Variants in AKIP1 observed in about 807,000 individuals in gnomAD.
The protein encoded by AKIP1 is A-kinase interacting protein 1.
AKIP1 carries 18 observed loss-of-function variants against 22.3 expected under a neutral mutation model. That is an observed-to-expected ratio of 0.81 (90% CI 0.56 to 1.19). The LOEUF (loss-of-function observed/expected upper bound fraction) is 1.19. Ranked by LOEUF, AKIP1 falls within the 50% of genes most tolerant of loss-of-function variation. AKIP1 has a pLI of 0.00. For synonymous variants in AKIP1, 120 were observed against 102.7 expected (o/e 1.17, Z -1.02); for missense variants, 287 against 264.6 (o/e 1.08, Z -0.59).
At chr11:8,917,692 A>C (rs1051664701) in intron 5 of AKIP1, 1 of 431,476 alleles carries the variant, frequency 2.3e-6, no homozygotes, top group African/African-American at 2.0e-5. Flanking sequence ...CATCTGTTCA[A>C]GCAGCAGGAG....
chr11:8,918,802 T>C (rs2134821102), intron 5 of AKIP1, among the ~76,000 whole-genome samples: 1 of 152,352 alleles, frequency 6.6e-6, no homozygotes, highest in Non-Finnish European at 1.5e-5. Flanking sequence ...GAGAGTTTTG[T>C]CAGCCAGCTG....
At chr11:8,913,339 C>T (rs548769319) in intron 3 of AKIP1, among the ~76,000 whole-genome samples, 1 of 152,012 alleles carries the variant, frequency 6.6e-6, no homozygotes, top group African/African-American at 2.4e-5. Context: ...AGGCACATGC[C>T]ACCATGCCTG....
Position 8,911,797 on chromosome 11 carries a change from A to C in AKIP1, c.222+126A>C, listed in dbSNP as rs2064360775. The C allele has an allele frequency of 3.1e-6, 3 of 958,424 alleles. No homozygotes were observed. The East Asian group carries it at 8.1e-5, about 26-fold the overall frequency. 59.4% of individuals were successfully genotyped at this position (958,424 alleles called of 1,614,324 possible). ...CTTAGCGGAAGCTGGAAAGGATCAGAACAATGAATGGAAAAGTCCTTTCAA... is the reference window on the plus strand; with the variant it reads ...CTTAGCGGAAGCTGGAAAGGATCAGCACAATGAATGGAAAAGTCCTTTCAA... On this transcript the variant is annotated intron_variant, in intron 2 of 5. Coordinates refer to ENST00000309377, the MANE Select transcript of AKIP1 (RefSeq NM_020642.4).
chr11:8,918,461 A>G (rs2064521245), intron 5 of AKIP1, among the ~76,000 whole-genome samples: 1 of 152,178 alleles, frequency 6.6e-6, no homozygotes, highest in African/African-American at 2.4e-5. Flanking sequence ...TCTGAGTGCA[A>G]TTTGCTGGCC....
In AKIP1 at chr11:8,911,476, G is replaced by T. The variant is rs748915072; in HGVS notation, c.27G>T (p.Ala9=). Residue 9 remains alanine, a synonymous_variant, in exon 2 of 6, where the codon GCG becomes GCT. Transcript: ENST00000309377. MDNCLAAA[A]LNGVDRRSLQ... is the part of the protein sequence containing the mutation. ...TGGACAACTGTTTGGCGGCCGCAGC[G>T]CTGAATGGGGTGGACCGACGTTCCC... The T allele has an allele frequency of 6.2e-7, 1 of 1,603,764 alleles. No individual in the cohort carries two copies. Among genetic ancestry groups the T allele is most frequent in the South Asian group, 1.1e-5 (1 of 88,742 alleles).
chr11:8,919,767 G>C lies in AKIP1; in HGVS notation c.*287G>C, dbSNP rs926048822. ...TTCTCCTGCCTCAGCCTCCCGAGTA[G>C]CTGGCACTACAGGCACCCGCCACCA... is the stretch of plus-strand genomic sequence containing the variant. On this transcript the variant is annotated 3_prime_UTR_variant, in exon 6 of 6. Coordinates refer to ENST00000309377, the MANE Select transcript of AKIP1 (RefSeq NM_020642.4). 5 of 249,768 alleles carry C rather than the reference G, an allele frequency of 2.0e-5. No homozygotes were observed. The highest frequency in any genetic ancestry group is 1.0e-4 in the Admixed American group (2 of 19,776). 15.5% of individuals were successfully genotyped at this position (249,768 alleles called of 1,614,324 possible).
intron 5 of AKIP1, among the ~76,000 whole-genome samples, chr11:8,919,098 G>A (rs1336468079): frequency 1.3e-5 from 2 of 152,172 alleles, no homozygotes; most frequent in African/African-American, 2.4e-5. Flanking sequence ...CATTTACAGA[G>A]TGTTTTCACA....
In AKIP1 at chr11:8,919,350, C is replaced by G. The variant is rs756345711; in HGVS notation, c.503C>G (p.Ser168Cys). 35 of 1,613,478 alleles carry G rather than the reference C, an allele frequency of 2.2e-5. No individual in the cohort carries two copies. The highest frequency in any genetic ancestry group is 2.9e-5 in the Non-Finnish European group (34 of 1,179,854). The change falls in exon 6 of 6, where the codon TCT (serine) becomes TGT (cysteine). Residue 168 changes from serine (S) to cysteine (C), a missense_variant. Ser to Cys is a moderately radical substitution (Grantham distance 112). Transcript: ENST00000309377. ...TTTTCCTTCTAGGCTGAGAACATCT[C>G]TAAGGACCTCTACATAGAAGTATAT... ...PEASQPAENI[S>C]KDLYIEVYPG...
At chr11:8,913,980 T>C (rs1318792347) in intron 3 of AKIP1, among the ~76,000 whole-genome samples, 1 of 152,220 alleles carries the variant, frequency 6.6e-6, no homozygotes. Context: ...AGTTCAAGTC[T>C]CTGTTATGAA....
rs746034338 is a variant in AKIP1 at position 8,914,940 on chromosome 11, C to T, written c.408+10C>T. On this transcript the variant is annotated intron_variant, in intron 4 of 5. Coordinates refer to ENST00000309377, the MANE Select transcript of AKIP1 (RefSeq NM_020642.4). ...CATAGGGAATGGTCAGGTAAGTGTA[C>T]TCAACTGTCCTGCACCATGCCTTCA... 3.1e-6 allele frequency: 5 copies of T among 1,598,796 alleles called. No individual in the cohort carries two copies. The highest frequency in any genetic ancestry group is 3.4e-6 in the Non-Finnish European group (4 of 1,166,764).
Position 8,911,194 on chromosome 11 carries a change from T to G in AKIP1, c.-36T>G. The G allele has an allele frequency of 3.9e-6, 2 of 510,966 alleles. No homozygotes were observed. The highest frequency in any genetic ancestry group is 6.9e-6 in the Non-Finnish European group (2 of 288,448). 31.7% of individuals were successfully genotyped at this position (510,966 alleles called of 1,614,324 possible). A position where few individuals can be genotyped will look rare whatever the true frequency, so the allele number is the denominator to read the frequency against. On this transcript the variant is annotated 5_prime_UTR_variant, in exon 1 of 6. Transcript: ENST00000309377. ...CTGGTCCCTCTTCCTAGAATAGCGT[T>G]GCGCGCATGCGCCTTGACGAGTGAG...
intron 1 of AKIP1, 106 bp downstream of exon 1, chr11:8,911,329 G>C: frequency 1.1e-6 from 1 of 919,352 alleles, no homozygotes. Context: ...GTTGGGGGCG[G>C]ACCAGGAGCG....
At chr11:8,919,295 G>A (rs759862210) in intron 5 of AKIP1, 42 bp from the exon 6 acceptor site, 1 of 1,590,198 alleles carries the variant, frequency 6.3e-7, no homozygotes, top group African/African-American at 1.3e-5. Context: ...TGGCACTGGG[G>A]TATAAAATCT....
Position 8,917,375 on chromosome 11 carries a change from C to T in AKIP1, c.489+8C>T, listed in dbSNP as rs375871268. 85 of 1,611,204 alleles carry T rather than the reference C, an allele frequency of 5.3e-5. No individual in the cohort carries two copies. Among genetic ancestry groups the T allele is most frequent in the African/African-American group, 3.6e-4 (27 of 74,944 alleles). On this transcript the variant is annotated splice_region_variant and intron_variant, in intron 5 of 5. Transcript: ENST00000309377. ...CCAGAGGCATCCCAGCCTGTGAGTA[C>T]GGAACTGCTTACGCACTGGGTTTCA... is the stretch of plus-strand genomic sequence containing the variant.
chr11:8,917,173 T>C (rs2064498139), intron 4 of AKIP1, 114 bp from the exon 5 acceptor site: 1 of 645,758 alleles, frequency 1.5e-6, no homozygotes, highest in African/African-American at 1.8e-5. Flanking sequence ...AGATGACAAC[T>C]TAGAAAAAGC....
In AKIP1 at chr11:8,919,561, C is replaced by A; in HGVS notation, c.*81C>A. The A allele has an allele frequency of 1.4e-6, 2 of 1,466,792 alleles. No individual in the cohort carries two copies. Among genetic ancestry groups the A allele is most frequent in the Non-Finnish European group, 1.9e-6 (2 of 1,075,216 alleles). The allele number at this position is 1,466,792 out of a possible 1,614,324, so 90.9% of individuals were successfully genotyped here. A position where few individuals can be genotyped will look rare whatever the true frequency, so the allele number is the denominator to read the frequency against. The stretch of plus-strand genomic sequence containing the variant: ...CTGTATGATTCTCTTAATAGCTATA[C>A]ATTAATCCTGTTTTTAGTGCTGACT... On this transcript the variant is annotated 3_prime_UTR_variant, in exon 6 of 6. Transcript: ENST00000309377.
intron 2 of AKIP1, among the ~76,000 whole-genome samples, chr11:8,912,168 G>T (rs2064380772): frequency 7.3e-6 from 1 of 136,844 alleles, no homozygotes; most frequent in African/African-American, 2.8e-5. Flanking sequence ...TTGCACTCCA[G>T]CCTGGGCAAC....
chr11:8,912,381 A>G (rs996169496), intron 2 of AKIP1, 72 bp from the exon 3 acceptor site: 9 of 1,261,982 alleles, frequency 7.1e-6, no homozygotes, highest in African/African-American at 3.0e-5. Context: ...AAAGGAGACT[A>G]TTTCCAAAAT....
In AKIP1 at chr11:8,911,595, T is replaced by C. The variant is rs533464078; in HGVS notation, c.146T>C (p.Met49Thr). The C allele has an allele frequency of 6.2e-7, 1 of 1,607,014 alleles. No homozygotes were observed. Among genetic ancestry groups the C allele is most frequent in the East Asian group, 2.2e-5 (1 of 44,724 alleles). Residue 49 changes from methionine to threonine, a missense_variant, in exon 2 of 6, where the codon ATG becomes ACG. Coordinates refer to ENST00000309377, the MANE Select transcript of AKIP1 (RefSeq NM_020642.4). ...WHALERPKGCMGVLAREAPHL... is the reference protein window; with the variant it reads ...WHALERPKGCTGVLAREAPHL... ...GCCCTGGAGCGTCCCAAAGGCTGCA[T>C]GGGGGTCCTTGCCCGGGAGGCGCCC...
Sources: allele counts gnomAD v4.1 joint callset (sites outside exome capture counted in the v4.1 genomes callset), GRCh38; gene constraint gnomAD v4.1.1; transcripts MANE v1.5; gene names NCBI Gene and HGNC (gene_info 2026-07-23, HGNC 2026-07-21).